Variants in RAB7A observed in about 807,000 individuals in gnomAD.
The protein encoded by RAB7A is RAB7A, member RAS oncogene family.
Under a neutral mutation model 24.5 loss-of-function variants are expected in RAB7A, and 2 were observed. The ratio of observed to expected loss-of-function variants is 0.08; its 90% confidence interval spans 0.03 to 0.26. The LOEUF is 0.26. Among genes scored for constraint, RAB7A ranks in the 10% least tolerant of loss-of-function variants. RAB7A has a pLI of 1.00. For missense variants in RAB7A, 118 were observed against 255.7 expected (o/e 0.46, Z 3.67); for synonymous variants, 100 against 95.9 (o/e 1.04, Z -0.25).
chr3:128,729,116 G>A (rs1428408425), intron 1 of RAB7A, among the ~76,000 whole-genome samples: 2 of 152,088 alleles, frequency 1.3e-5, no homozygotes, highest in Non-Finnish European at 2.9e-5. Context: ...GCAACCACTT[G>A]GGGCAATTTT....
intron 1 of RAB7A, among the ~76,000 whole-genome samples, chr3:128,767,332 C>G (rs2070841854): frequency 6.6e-6 from 1 of 152,232 alleles, no homozygotes; most frequent in East Asian, 1.9e-4. Flanking sequence ...ACACATAGAC[C>G]TGGGCTGTGG....
At position 128,813,621 on chromosome 3, in the gene RAB7A, A is replaced by C; in HGVS notation, c.*199A>C. The C allele has an allele frequency of 1.6e-6, 1 of 610,730 alleles. No homozygotes were observed. 37.8% of individuals were successfully genotyped at this position (610,730 alleles called of 1,614,324 possible). A position where few individuals can be genotyped will look rare whatever the true frequency, so the allele number is the denominator to read the frequency against. ...CACACACGCACACACACACACACAGATCTGACGTAATCAAACTCCAGCCCT... is the reference window on the plus strand; with the variant it reads ...CACACACGCACACACACACACACAGCTCTGACGTAATCAAACTCCAGCCCT... On this transcript the variant is annotated 3_prime_UTR_variant, in exon 6 of 6. Coordinates refer to ENST00000265062, the MANE Select transcript of RAB7A (RefSeq NM_004637.6).
At chr3:128,733,411 TATATC>T (rs1185481165) in intron 1 of RAB7A, among the ~76,000 whole-genome samples, 1 of 152,250 alleles carries the variant, frequency 6.6e-6, no homozygotes, top group Non-Finnish European at 1.5e-5. Context: ...TATTATGTGA[TATATC>T]ATAATGTATT....
In RAB7A at chr3:128,792,920, G is replaced by A. The variant is rs1229265323; in HGVS notation, c.-8-2440G>A. 9.4e-5 allele frequency among the ~76,000 whole-genome samples: 14 copies of A among 148,594 alleles called. No individual in the cohort carries two copies. The East Asian group carries it at 1.6e-3, about 17-fold the overall frequency. ...GGCTGGAGTGCAGTGGCGTGATCTCGGCTCACTGCAACCTCCGCCTCCCGG... is the reference window on the plus strand; with the variant it reads ...GGCTGGAGTGCAGTGGCGTGATCTCAGCTCACTGCAACCTCCGCCTCCCGG... On this transcript the variant is annotated intron_variant, in intron 1 of 5. Coordinates refer to ENST00000265062, the MANE Select transcript of RAB7A (RefSeq NM_004637.6).
At chr3:128,807,400 C>A in intron 4 of RAB7A, 143 bp from the exon 5 acceptor site, 1 of 1,241,702 alleles carries the variant, frequency 8.1e-7, no homozygotes, top group Non-Finnish European at 1.2e-6. Flanking sequence ...GTCTGCAGGT[C>A]TCCTCCAACA....
chr3:128,789,456 C>T (rs1447799421), intron 1 of RAB7A, among the ~76,000 whole-genome samples: 1 of 151,884 alleles, frequency 6.6e-6, no homozygotes, highest in African/African-American at 2.4e-5. Flanking sequence ...CTGCCTCAGC[C>T]TCCCGAGTAG....
intron 3 of RAB7A, among the ~76,000 whole-genome samples, chr3:128,803,470 G>T (rs937688430): frequency 6.6e-6 from 1 of 152,146 alleles, no homozygotes. Context: ...GTAGTAATGA[G>T]TACAACCTTT....
chr3:128,787,894 G>C (rs12489126), intron 1 of RAB7A, among the ~76,000 whole-genome samples: 1 of 152,150 alleles, frequency 6.6e-6, no homozygotes, highest in Non-Finnish European at 1.5e-5. Flanking sequence ...TAAATATTTT[G>C]TAGCGACTGG....
intron 1 of RAB7A, among the ~76,000 whole-genome samples, chr3:128,726,997 A>G (rs753676384): frequency 1.7e-4 from 26 of 152,188 alleles, no homozygotes; most frequent in South Asian, 4.1e-4. Flanking sequence ...AAGTTTTTCA[A>G]CTTAATCGAG....
chr3:128,775,520 G>C (rs1442216029), intron 1 of RAB7A, among the ~76,000 whole-genome samples: 2 of 152,168 alleles, frequency 1.3e-5, no homozygotes, highest in Non-Finnish European at 2.9e-5. Context: ...TGGTGGTAGA[G>C]GTTAAGTTTA....
chr3:128,798,333 TTTTTGTTGTTTTTGG>T (rs1933618537), intron 3 of RAB7A: 1 of 394,984 alleles, frequency 2.5e-6, no homozygotes, highest in African/African-American at 2.1e-5. Context: ...CCTTTCTTGT[TTTTTGTTGTTTTTGG>T]TTTTGTTGTT....
chr3:128,796,144 G>T (rs1933570800), intron 2 of RAB7A, among the ~76,000 whole-genome samples: 1 of 152,162 alleles, frequency 6.6e-6, no homozygotes, highest in South Asian at 2.1e-4. Flanking sequence ...GCAGAACTGG[G>T]TTCTGATTCT....
intron 1 of RAB7A, among the ~76,000 whole-genome samples, chr3:128,790,829 GTATT>G (rs1160987595): frequency 2.0e-5 from 3 of 152,042 alleles, no homozygotes; most frequent in Non-Finnish European, 4.4e-5. Flanking sequence ...CATTTCTTGT[GTATT>G]TATTTATTTT....
intron 2 of RAB7A, among the ~76,000 whole-genome samples, chr3:128,797,331 C>T (rs1933598848): frequency 6.6e-6 from 1 of 152,194 alleles, no homozygotes; most frequent in Non-Finnish European, 1.5e-5. Flanking sequence ...TTACCTTAAC[C>T]TTATCACACA....
rs869119619 is a variant in RAB7A at position 128,809,936 on chromosome 3, C to CTTTTTTTTT, written c.528+2287_528+2295dup. On this transcript the variant is annotated intron_variant, in intron 5 of 5. Transcript: ENST00000265062. ...GAGGCAAGTTTCCTCTTGCCACAGTCTTTTTTTTTTTTTTTTTTTTTTTTT... is the reference window on the plus strand; with the variant it reads ...GAGGCAAGTTTCCTCTTGCCACAGTCTTTTTTTTTTTTTTTTTTTTTTTTTTTTTTTTTT... Among the ~76,000 whole-genome samples, 237 of 52,242 alleles carry CTTTTTTTTT rather than the reference C, an allele frequency of 4.5e-3. 62 individuals are homozygous for CTTTTTTTTT. The highest frequency in any genetic ancestry group is 9.0e-3 in the African/African-American group (107 of 11,830). The allele number at this position is 52,242 out of a possible 152,430, so 34.3% of individuals were successfully genotyped here. A position where few individuals can be genotyped will look rare whatever the true frequency, so the allele number is the denominator to read the frequency against.
intron 1 of RAB7A, among the ~76,000 whole-genome samples, chr3:128,794,202 C>CT (rs548552439): frequency 8.9e-4 from 136 of 152,296 alleles, no homozygotes; most frequent in African/African-American, 3.1e-3. Context: ...CTTCTGGACT[C>CT]TGTGTTCTGT....
At chr3:128,801,454 G>C (rs2107613657) in intron 3 of RAB7A, among the ~76,000 whole-genome samples, 1 of 1,850 alleles carries the variant, frequency 5.4e-4, no homozygotes, top group East Asian at 1.2e-3. Context: ...GATGGTTTGT[G>C]TGCAGCCTTT....
rs2070806958 is a variant in RAB7A, at chr3:128,764,405, C to G, written c.-8-30955C>G. The stretch of plus-strand genomic sequence containing the variant: ...AAAAGGTAAAGGAAATCCCAACATG[C>G]ATGCACTGCCTTAGTGACCAGGGAA... On this transcript the variant is annotated intron_variant, in intron 1 of 5. Transcript: ENST00000265062. The G allele has an allele frequency of 1.5e-5, 11 of 714,770 alleles. No homozygotes were observed. In the South Asian group the frequency reaches 1.6e-4, roughly 10 times the overall value. 44.3% of individuals were successfully genotyped at this position (714,770 alleles called of 1,614,324 possible).
chr3:128,762,371 G>A (rs1007524064), intron 1 of RAB7A, among the ~76,000 whole-genome samples: 2 of 152,254 alleles, frequency 1.3e-5, no homozygotes, highest in Non-Finnish European at 2.9e-5. Context: ...TTCCATTCCC[G>A]TTTAAGCTCT....
Sources: gnomAD v4.1 joint callset for allele counts (sites outside exome capture counted in the v4.1 genomes callset) on GRCh38, gnomAD v4.1.1 for gene constraint, MANE v1.5 for transcripts, NCBI Gene and HGNC (gene_info 2026-07-23, HGNC 2026-07-21) for gene names.